The following ANK2 variants were observed in gnomAD, a reference collection of about 807,000 sequenced individuals.
ANK2 encodes ankyrin-2.
In ANK2, 83 loss-of-function variants were observed where a neutral mutation model predicts 360.5. That is an observed-to-expected ratio of 0.23 (90% CI 0.19 to 0.28). The LOEUF is 0.28. ANK2 is among the 10% of genes least tolerant of loss of function. ANK2 has a pLI of 1.00. For missense variants in ANK2, 4,201 were observed against 4,795.7 expected (o/e 0.88, Z 3.66); for synonymous variants, 1,740 against 1,759.5 (o/e 0.99, Z 0.28).
At chr4:112,805,606 G>A in the ANK2 span, among the ~76,000 whole-genome samples, 17 of 144,722 alleles carry the variant, frequency 1.2e-4, no homozygotes, top group Non-Finnish European at 1.9e-4. Flanking sequence ...TTTTAAGACC[G>A]AGTCTCACTC....
chr4:112,964,853 G>A (rs1424706084), intron 2 of ANK2, among the ~76,000 whole-genome samples: 1 of 152,178 alleles, frequency 6.6e-6, no homozygotes, highest in Non-Finnish European at 1.5e-5. Flanking sequence ...ACAGGCGTGA[G>A]CCACCGCGCC....
chr4:113,237,732 G>A, intron 7 of ANK2, 110 bp downstream of exon 7: 2 of 1,042,752 alleles, frequency 1.9e-6, no homozygotes, highest in Non-Finnish European at 1.5e-6. Context: ...TTGATTAATG[G>A]GAAATTAATT....
intron 4 of ANK2, among the ~76,000 whole-genome samples, chr4:113,212,532 G>A (rs1042918199): frequency 2.3e-4 from 35 of 152,156 alleles, no homozygotes; most frequent in African/African-American, 8.0e-4. Flanking sequence ...CATTGACTGA[G>A]GTAGGCAGCA....
intron 20 of ANK2, among the ~76,000 whole-genome samples, chr4:113,290,196 G>T (rs2066845559): frequency 1.4e-5 from 2 of 147,628 alleles, no homozygotes; most frequent in African/African-American, 2.5e-5. Context: ...AGTGAACTAA[G>T]TTGCTTGCAG....
At chr4:112,878,155 C>CATCTATCTATCTATCT (rs10525579) in intron 1 of ANK2, among the ~76,000 whole-genome samples, 45,787 of 147,414 alleles carry the variant, frequency 0.31, 7,886 homozygotes, top group African/African-American at 0.44. Context: ...ACTTTAGACT[C>CATCTATCTATCTATCT]ATCTATCTAT....
the ANK2 span, among the ~76,000 whole-genome samples, chr4:112,810,805 C>T: frequency 4.6e-5 from 7 of 152,312 alleles, no homozygotes; most frequent in South Asian, 1.5e-3. Flanking sequence ...ACCCCCTCGG[C>T]TTCCCAAAGT....
At chr4:112,859,762 TGTG>T (rs565464104) in intron 1 of ANK2, among the ~76,000 whole-genome samples, 222 of 152,364 alleles carry the variant, frequency 1.5e-3, no homozygotes, top group African/African-American at 5.1e-3. Flanking sequence ...CCCCCTCTCA[TGTG>T]GCTGATTGCA....
intron 1 of ANK2, among the ~76,000 whole-genome samples, chr4:113,140,939 T>C (rs2154384551): frequency 6.6e-6 from 1 of 151,770 alleles, no homozygotes; most frequent in African/African-American, 2.4e-5. Flanking sequence ...GGTTGCGCCA[T>C]TGCACTCCAG....
At chr4:113,231,332 G>A (rs1456004375) in intron 4 of ANK2, among the ~76,000 whole-genome samples, 1 of 151,806 alleles carries the variant, frequency 6.6e-6, no homozygotes, top group Non-Finnish European at 1.5e-5. Flanking sequence ...GATTACAGGC[G>A]TGAGCCACCA....
intron 2 of ANK2, among the ~76,000 whole-genome samples, chr4:112,977,030 C>T (rs2041661207): frequency 6.6e-6 from 1 of 152,228 alleles, no homozygotes; most frequent in Non-Finnish European, 1.5e-5. Flanking sequence ...ATTCTTTGTT[C>T]CACTCTTTCA....
intron 1 of ANK2, among the ~76,000 whole-genome samples, chr4:113,156,638 C>T (rs991574641): frequency 2.0e-5 from 3 of 151,974 alleles, no homozygotes; most frequent in African/African-American, 4.8e-5. Context: ...GCTGGGATTA[C>T]AGGCATGAGC....
chr4:113,017,796 A>G (rs1165658583), intron 2 of ANK2, among the ~76,000 whole-genome samples: 3 of 152,208 alleles, frequency 2.0e-5, no homozygotes, highest in Admixed American at 6.5e-5. Flanking sequence ...TCTGACCCCA[A>G]TGGTATGTGA....
At chr4:113,198,034 A>G (rs1384776445) in intron 3 of ANK2, among the ~76,000 whole-genome samples, 1 of 152,100 alleles carries the variant, frequency 6.6e-6, no homozygotes, top group East Asian at 1.9e-4. Flanking sequence ...AGCCATTCTG[A>G]CTGGTATGAG....
chr4:112,837,080 G>T (rs1185355640), intron 1 of ANK2, among the ~76,000 whole-genome samples: 1 of 152,190 alleles, frequency 6.6e-6, no homozygotes, highest in Non-Finnish European at 1.5e-5. Flanking sequence ...AGGTGCAGAG[G>T]TCTAGGAGGA....
At position 113,088,225 on chromosome 4, in the gene ANK2, C is replaced by A. The variant is rs115679294; in HGVS notation, c.84+38413C>A. Among the ~76,000 whole-genome samples the A allele has an allele frequency of 1.2e-3, 181 of 152,228 alleles. 1 individual carries two copies. The highest frequency in any genetic ancestry group is 4.0e-3 in the African/African-American group (165 of 41,520). On this transcript the variant is annotated intron_variant, in intron 1 of 45. Coordinates refer to ENST00000357077, the MANE Select transcript of ANK2 (RefSeq NM_001148.6). ...CAGGCTCTGGGGTTTTACAGAGGAG[C>A]AGGCAGTGCCCTGAGAGACAGCACT...
At position 113,213,955 on chromosome 4, in the gene ANK2, AT is replaced by A. The variant is rs67221812; in HGVS notation, c.384+14858del. 302 of 495,718 alleles carry A rather than the reference AT, an allele frequency of 6.1e-4. 7 individuals are homozygous for A. Among genetic ancestry groups the A allele is most frequent in the African/African-American group, 8.6e-4 (14 of 16,310 alleles). 30.7% of individuals were successfully genotyped at this position (495,718 alleles called of 1,614,324 possible). On this transcript the variant is annotated intron_variant, in intron 4 of 45. Transcript: ENST00000357077. ...GAAACGACAAAATGCTGTTTTATTT[AT>A]TTTTTTTTTTTATTTTTTTTTTAAG...
chr4:112,894,635 C>A (rs1194921458), intron 1 of ANK2, among the ~76,000 whole-genome samples: 1 of 152,120 alleles, frequency 6.6e-6, no homozygotes, highest in Non-Finnish European at 1.5e-5. Context: ...CGGTAAAATG[C>A]AAATACTCGA....
chr4:113,053,029 T>C (rs917678028), intron 1 of ANK2, among the ~76,000 whole-genome samples: 1 of 152,226 alleles, frequency 6.6e-6, no homozygotes, highest in Non-Finnish European at 1.5e-5. Context: ...TTTGGTATTT[T>C]GTGTCTTGGA....
intron 29 of ANK2, among the ~76,000 whole-genome samples, chr4:113,335,181 A>G (rs1431328132): frequency 6.6e-6 from 1 of 152,180 alleles, no homozygotes; most frequent in Admixed American, 6.5e-5. Context: ...TAAAGAACCC[A>G]TGATCCCATC....
Sources: gnomAD v4.1 joint callset for allele counts (sites outside exome capture counted in the v4.1 genomes callset) on GRCh38, gnomAD v4.1.1 for gene constraint, MANE v1.5 for transcripts, NCBI Gene and HGNC (gene_info 2026-07-23, HGNC 2026-07-21) for gene names.